The following TNRC18 variants were observed in gnomAD, a reference collection of about 807,000 sequenced individuals.
TNRC18 encodes trinucleotide repeat-containing gene 18 protein.
In TNRC18, 69 loss-of-function variants were observed where a neutral mutation model predicts 226.7. That is an observed-to-expected ratio of 0.30 (90% CI 0.25 to 0.37). The LOEUF is 0.37. TNRC18 is among the 10% of genes least tolerant of loss of function. The probability of loss-of-function intolerance (pLI) is 1.00; values close to 1 mark genes in which losing one functional copy is unlikely to be tolerated. For synonymous variants in TNRC18, 2,449 were observed against 1,927.6 expected (o/e 1.27, Z -7.09); for missense variants, 4,754 against 4,256.6 (o/e 1.12, Z -3.25).
Position 5,315,003 on chromosome 7 carries a change from G to A in TNRC18, c.7008C>T (p.Pro2336=). 2.5e-6 allele frequency: 4 copies of A among 1,607,338 alleles called. No individual in the cohort carries two copies. The highest frequency in any genetic ancestry group is 3.4e-6 in the Non-Finnish European group (4 of 1,177,814). The change falls in exon 26 of 30, where the codon CCC becomes CCT. Residue 2336 remains proline (P), a synonymous_variant. Coordinates refer to ENST00000430969, the MANE Select transcript of TNRC18 (RefSeq NM_001080495.3). ...GAKARGRGRK[P]SAKAKGDRAA... ...ACCTACCACCCTTGGCCTTGGCGCT[G>A]GGTTTCCGCCCACGCCCACGGGCCT...
At chr7:5,332,368 G>T (rs1423251171) in intron 19 of TNRC18, among the ~76,000 whole-genome samples, 1 of 152,326 alleles carries the variant, frequency 6.6e-6, no homozygotes, top group Middle Eastern at 3.4e-3. Context: ...AGGAGGTAAA[G>T]GCTGCAGTGA....
At chr7:5,316,685 C>T (rs940201144) in intron 24 of TNRC18, among the ~76,000 whole-genome samples, 21 of 152,090 alleles carry the variant, frequency 1.4e-4, no homozygotes, top group Non-Finnish European at 2.1e-4. Flanking sequence ...AAAGGAGGGA[C>T]GCAGGTGTCA....
chr7:5,362,866 C>T (rs750042251), intron 11 of TNRC18, 41 bp from the exon 12 acceptor site: 1 of 1,458,370 alleles, frequency 6.9e-7, no homozygotes, highest in East Asian at 2.5e-5. Flanking sequence ...GCTGCCACCC[C>T]TTCCCCAACC....
intron 2 of TNRC18, chr7:5,419,855 G>C (rs1321610334): frequency 6.6e-6 from 1 of 152,382 alleles, no homozygotes; most frequent in African/African-American, 2.4e-5. Context: ...CAAAATCGGC[G>C]AGCTCCGCCG....
chr7:5,348,777 G>A (rs1791476397), intron 17 of TNRC18, among the ~76,000 whole-genome samples: 1 of 152,134 alleles, frequency 6.6e-6, no homozygotes, highest in African/African-American at 2.4e-5. Flanking sequence ...AGGCAGGCGG[G>A]GGCAGGCAGG....
At position 5,351,933 on chromosome 7, in the gene TNRC18, G is replaced by A. The variant is rs771895213; in HGVS notation, c.5356C>T (p.Arg1786Trp). The change falls in exon 17 of 30, where the codon CGG (arginine) becomes TGG (tryptophan). Residue 1786 changes from arginine to tryptophan, a missense_variant. Arg to Trp is a moderately radical substitution (Grantham distance 101). Coordinates refer to ENST00000430969, the MANE Select transcript of TNRC18 (RefSeq NM_001080495.3). ...KLTKRGLAAP[R>W]TLKPKPATSR... ...GTGGCCGGCTTGGGTTTCAGAGTCC[G>A]GGGGGCCGCCAGGCCCCTCTTGGTC... 7.4e-6 allele frequency: 12 copies of A among 1,613,574 alleles called. No individual in the cohort carries two copies. Among genetic ancestry groups the A allele is most frequent in the Admixed American group, 1.7e-5 (1 of 59,974 alleles).
At chr7:5,414,360 C>T (rs1728874507) in intron 2 of TNRC18, among the ~76,000 whole-genome samples, 1 of 151,346 alleles carries the variant, frequency 6.6e-6, no homozygotes, top group African/African-American at 2.4e-5. Flanking sequence ...TGAACCATTC[C>T]GAGGACAAGT....
At chr7:5,314,676 G>T (rs906147420) in intron 26 of TNRC18, among the ~76,000 whole-genome samples, 2 of 147,316 alleles carry the variant, frequency 1.4e-5, no homozygotes, top group African/African-American at 2.5e-5. Flanking sequence ...AGGTTGAAGT[G>T]ATTCTCCTGC....
chr7:5,361,873 G>A (rs762534859), intron 13 of TNRC18, 24 bp downstream of exon 13: 47 of 1,527,856 alleles, frequency 3.1e-5, no homozygotes, highest in Admixed American at 4.1e-5. Context: ...GGGGCCCCAC[G>A]GGGCGGGCGG....
chr7:5,392,232 G>A (rs1349802300), intron 3 of TNRC18, among the ~76,000 whole-genome samples: 1 of 152,178 alleles, frequency 6.6e-6, no homozygotes, highest in Non-Finnish European at 1.5e-5. Flanking sequence ...GGGAGGCCGA[G>A]TTGGGTGGAT....
At chr7:5,332,354 G>A (rs1042319497) in intron 19 of TNRC18, among the ~76,000 whole-genome samples, 3 of 152,170 alleles carry the variant, frequency 2.0e-5, no homozygotes, top group Admixed American at 6.5e-5. Context: ...GACTGCTAGA[G>A]GCCAGGAGGT....
intron 18 of TNRC18, among the ~76,000 whole-genome samples, chr7:5,333,465 C>A (rs75394514): frequency 2.6e-5 from 4 of 152,332 alleles, no homozygotes; most frequent in South Asian, 4.1e-4. Context: ...TTCTCTCCCC[C>A]GTTCTTGGTG....
At chr7:5,381,136 C>A (rs1779371848) in intron 5 of TNRC18, among the ~76,000 whole-genome samples, 1 of 152,204 alleles carries the variant, frequency 6.6e-6, no homozygotes, top group Admixed American at 6.5e-5. Flanking sequence ...GCACCTGCCA[C>A]CCTCAGGGCC....
rs894411652 is a variant in TNRC18 at position 5,324,852 on chromosome 7, G to A, written c.6300+244C>T. ...GGGGGCCTGTCACCCAGGTCTCCTG[G>A]TCTCTGTTCCAGTGTCCCTCGCCCC... On this transcript the variant is annotated intron_variant, in intron 20 of 29. Transcript: ENST00000430969. The surrounding 1 kb of genome is among the most constrained non-coding windows in gnomAD (Gnocchi z 4.8). 2.0e-5 allele frequency among the ~76,000 whole-genome samples: 3 copies of A among 152,198 alleles called. No homozygotes were observed.
At chr7:5,336,160 TCAC>T (rs1790097063) in intron 18 of TNRC18, among the ~76,000 whole-genome samples, 1 of 147,214 alleles carries the variant, frequency 6.8e-6, no homozygotes, top group African/African-American at 2.5e-5. Flanking sequence ...TGAGCAGAGA[TCAC>T]ACCACTGCAC....
At position 5,389,085 on chromosome 7, in the gene TNRC18, C is replaced by A; in HGVS notation, c.739G>T (p.Ala247Ser). The change falls in exon 5 of 30, where the codon GCC becomes TCC. Residue 247 changes from alanine to serine, a missense_variant. Physicochemically the swap from Ala to Ser is moderately conservative, Grantham distance 99. Transcript: ENST00000430969. ...GVVDLTQEAR[A>S]EGRQDRGPPR... ...GGCCCCCGGTCCTGGCGGCCCTCGG[C>A]GCGCGCCTCCTGGGTCAGGTCCACC... The A allele has an allele frequency of 1.3e-5, 17 of 1,289,596 alleles. No individual in the cohort carries two copies. Among genetic ancestry groups the A allele is most frequent in the Non-Finnish European group, 1.5e-5 (15 of 1,012,902 alleles). The allele number at this position is 1,289,596 out of a possible 1,614,324, so 79.9% of individuals were successfully genotyped here.
chr7:5,388,684 G>A lies in TNRC18; in HGVS notation c.1140C>T (p.Ala380=). The A allele has an allele frequency of 7.9e-7, 1 of 1,265,962 alleles. No homozygotes were observed. The highest frequency in any genetic ancestry group is 1.0e-6 in the Non-Finnish European group (1 of 1,003,276). The allele number at this position is 1,265,962 out of a possible 1,614,324, so 78.4% of individuals were successfully genotyped here. A position where few individuals can be genotyped will look rare whatever the true frequency, so the allele number is the denominator to read the frequency against. ...GGATGGGCCCCGGGCGCTCGTCGAA[G>A]GCCTCCACGGAAGGCACGAAGGTGG... ...VAPTFVPSVE[A]FDERPGPIQI... The change falls in exon 5 of 30, where the codon GCC becomes GCT. Residue 380 remains alanine (A), a synonymous_variant. Coordinates refer to ENST00000430969, the MANE Select transcript of TNRC18 (RefSeq NM_001080495.3).
Position 5,308,812 on chromosome 7 carries a change from T to A in TNRC18, c.8700+63A>T, listed in dbSNP as rs181054712. The A allele has an allele frequency of 2.1e-4, 316 of 1,531,458 alleles. 3 individuals carry two copies. In the African/African-American group the frequency reaches 3.7e-3, roughly 18 times the overall value. The allele number at this position is 1,531,458 out of a possible 1,614,324, so 94.9% of individuals were successfully genotyped here. On this transcript the variant is annotated intron_variant, in intron 29 of 29. Transcript: ENST00000430969. ...AGCAGATGCTGAGCCGGGCCCTGTC[T>A]GAGCTGCCCGGAAGGAAGCAGCCAT...
At chr7:5,315,915 G>A (rs1452259180) in intron 25 of TNRC18, 41 bp downstream of exon 25, 3 of 1,463,608 alleles carry the variant, frequency 2.0e-6, no homozygotes, top group Non-Finnish European at 1.8e-6. Flanking sequence ...TGGGTGGGCG[G>A]CCCCTGGCAG....
Sources: allele counts gnomAD v4.1 joint callset (sites outside exome capture counted in the v4.1 genomes callset), GRCh38; gene constraint gnomAD v4.1.1; non-coding constraint Gnocchi (gnomAD v3.1); transcripts MANE v1.5; gene names NCBI Gene and HGNC (gene_info 2026-07-23, HGNC 2026-07-21).